Variants in GRM7 observed in about 807,000 individuals in gnomAD.
The protein encoded by GRM7 is metabotropic glutamate receptor 7.
A neutral mutation model predicts 84.5 loss-of-function variants in GRM7; 35 were observed. The observed-to-expected ratio is 0.41, with a 90% CI of 0.32 to 0.55. The LOEUF (loss-of-function observed/expected upper bound fraction) is 0.55, where lower values mean the gene tolerates loss of function less well. Ranked by LOEUF, GRM7 falls within the 20% of genes least tolerant of loss-of-function variation. The pLI, the probability that GRM7 is intolerant of heterozygous loss-of-function variation, is 0.19. For synonymous variants in GRM7, 487 were observed against 455.1 expected, an observed-to-expected ratio of 1.07 and a Z score of -0.89; for missense variants, 1,003 against 1,194.6, an observed-to-expected ratio of 0.84 and a Z score of 2.36.
chr3:7,675,991 G>A (rs978755810), intron 8 of GRM7, among the ~76,000 whole-genome samples: 1 of 151,934 alleles, frequency 6.6e-6, no homozygotes, highest in Admixed American at 6.6e-5. Context: ...TATGGGTTCT[G>A]CACATCGGAC....
chr3:7,691,299 A>G, intron 9 of GRM7: 1 of 1,269,006 alleles, frequency 7.9e-7, no homozygotes, highest in Non-Finnish European at 1.0e-6. Flanking sequence ...ACTTAGGAAA[A>G]CATGACATGG....
chr3:6,878,040 T>A (rs1214688697), intron 1 of GRM7, among the ~76,000 whole-genome samples: 1 of 152,048 alleles, frequency 6.6e-6, no homozygotes, highest in Non-Finnish European at 1.5e-5. Context: ...ACAGCAAAAT[T>A]CCATTCATTT....
At chr3:7,580,462 C>T (rs1695196279) in intron 8 of GRM7, among the ~76,000 whole-genome samples, 1 of 152,166 alleles carries the variant, frequency 6.6e-6, no homozygotes, top group Non-Finnish European at 1.5e-5. Context: ...TAAAAATTTA[C>T]AACAGCCTGT....
chr3:6,989,134 AC>A (rs1694539963), intron 1 of GRM7, among the ~76,000 whole-genome samples: 1 of 152,200 alleles, frequency 6.6e-6, no homozygotes, highest in African/African-American at 2.4e-5. Context: ...TGACAACAGA[AC>A]CTTTTTACAC....
chr3:7,531,451 A>C (rs1388841579), intron 7 of GRM7, among the ~76,000 whole-genome samples: 3 of 152,124 alleles, frequency 2.0e-5, no homozygotes, highest in Non-Finnish European at 4.4e-5. Context: ...TGAGCATGGA[A>C]TGTTTTTCCA....
chr3:7,439,347 C>T (rs1463200537), intron 5 of GRM7, among the ~76,000 whole-genome samples: 1 of 152,150 alleles, frequency 6.6e-6, no homozygotes, highest in African/African-American at 2.4e-5. Context: ...GGTCGGAGTC[C>T]TCTCCTGTAA....
chr3:6,926,435 C>T (rs1697300319), intron 1 of GRM7, among the ~76,000 whole-genome samples: 1 of 152,116 alleles, frequency 6.6e-6, no homozygotes, highest in South Asian at 2.1e-4. Flanking sequence ...ATTTTAGTTC[C>T]ACATTAAAGT....
chr3:7,519,383 A>G (rs1365261472), intron 7 of GRM7, among the ~76,000 whole-genome samples: 7 of 149,532 alleles, frequency 4.7e-5, no homozygotes. Context: ...AATGCCAAAC[A>G]TATTTGCCAT....
At chr3:6,921,863 A>G (rs1697137270) in intron 1 of GRM7, among the ~76,000 whole-genome samples, 1 of 152,144 alleles carries the variant, frequency 6.6e-6, no homozygotes, top group Non-Finnish European at 1.5e-5. Flanking sequence ...AACACAGGAC[A>G]AGCCTAAGCT....
At chr3:7,133,856 T>C (rs1304324364) in intron 1 of GRM7, among the ~76,000 whole-genome samples, 1 of 152,170 alleles carries the variant, frequency 6.6e-6, no homozygotes, top group East Asian at 1.9e-4. Flanking sequence ...TTTTCTCTGT[T>C]ACTCTAGGTA....
chr3:6,917,907 T>A (rs939214044), intron 1 of GRM7, among the ~76,000 whole-genome samples: 2 of 152,134 alleles, frequency 1.3e-5, no homozygotes, highest in African/African-American at 4.8e-5. Flanking sequence ...TACCTCTTCA[T>A]TAAAGGGATC....
chr3:7,469,684 A>G (rs894017316), intron 7 of GRM7, among the ~76,000 whole-genome samples: 1 of 152,194 alleles, frequency 6.6e-6, no homozygotes, highest in African/African-American at 2.4e-5. Context: ...TCTGTGAACC[A>G]GGATGAGGAA....
chr3:7,324,571 A>C (rs1350531808), intron 4 of GRM7, among the ~76,000 whole-genome samples: 1 of 152,160 alleles, frequency 6.6e-6, no homozygotes, highest in African/African-American at 2.4e-5. Flanking sequence ...GGTCCCCTCA[A>C]GTGACCTAGT....
intron 1 of GRM7, among the ~76,000 whole-genome samples, chr3:7,105,543 A>T (rs1193026187): frequency 6.6e-6 from 1 of 151,860 alleles, no homozygotes; most frequent in Non-Finnish European, 1.5e-5. Flanking sequence ...CAATAGCTTC[A>T]CTCTTAAATC....
intron 2 of GRM7, among the ~76,000 whole-genome samples, chr3:7,196,749 T>C (rs1047363603): frequency 2.0e-5 from 3 of 152,168 alleles, no homozygotes; most frequent in Non-Finnish European, 4.4e-5. Context: ...CAAAATTATA[T>C]GGCTTGGCAT....
chr3:7,364,518 T>G (rs1466396161), intron 4 of GRM7, among the ~76,000 whole-genome samples: 1 of 151,670 alleles, frequency 6.6e-6, no homozygotes, highest in African/African-American at 2.4e-5. Context: ...ATAATTTGCT[T>G]TTTTTCTATA....
chr3:7,290,855 A>G (rs954801279), intron 2 of GRM7, among the ~76,000 whole-genome samples: 2 of 152,096 alleles, frequency 1.3e-5, no homozygotes, highest in East Asian at 3.9e-4. Context: ...AGAAAGGGGT[A>G]TGGATGTGTC....
At chr3:6,960,909 A>C (rs1222996074) in intron 1 of GRM7, among the ~76,000 whole-genome samples, 1 of 152,198 alleles carries the variant, frequency 6.6e-6, no homozygotes, top group African/African-American at 2.4e-5. Flanking sequence ...ACACAGGCCA[A>C]CAAAATGTAC....
intron 2 of GRM7, among the ~76,000 whole-genome samples, chr3:7,150,416 A>C (rs986960804): frequency 2.6e-5 from 4 of 152,192 alleles, no homozygotes; most frequent in African/African-American, 4.8e-5. Context: ...CAGAGAAAAT[A>C]AGCCATCCTT....
Sources: gnomAD v4.1 joint callset for allele counts (sites outside exome capture counted in the v4.1 genomes callset) on GRCh38, gnomAD v4.1.1 for gene constraint, MANE v1.5 for transcripts, NCBI Gene and HGNC (gene_info 2026-07-23, HGNC 2026-07-21) for gene names.